Variants in CNTNAP2 observed in about 807,000 individuals in gnomAD.
CNTNAP2 encodes contactin associated protein 2.
Under a neutral mutation model 155.2 loss-of-function variants are expected in CNTNAP2, and 98 were observed. The observed-to-expected ratio is 0.63, with a 90% confidence interval of 0.54 to 0.75. CNTNAP2 has a LOEUF of 0.75. Among genes scored for constraint, CNTNAP2 ranks in the 30% least tolerant of loss-of-function variants. The pLI, the probability that CNTNAP2 is intolerant of heterozygous loss-of-function variation, is 0.00. For missense variants in CNTNAP2, 1,727 were observed against 1,688.1 expected (o/e 1.02, Z -0.40); for synonymous variants, 651 against 631.2 (o/e 1.03, Z -0.47).
chr7:148,135,254 A>G (rs1162960965), intron 16 of CNTNAP2, among the ~76,000 whole-genome samples: 1 of 152,190 alleles, frequency 6.6e-6, no homozygotes, highest in African/African-American at 2.4e-5. Flanking sequence ...TATTACCATT[A>G]GCCTCCTACA....
intron 13 of CNTNAP2, among the ~76,000 whole-genome samples, chr7:147,853,887 A>T (rs1798993411): frequency 6.6e-6 from 1 of 152,220 alleles, no homozygotes; most frequent in South Asian, 2.1e-4. Flanking sequence ...TGAGTGTTGC[A>T]AAGTTTGACT....
chr7:148,087,113 G>A (rs7786049), intron 15 of CNTNAP2, among the ~76,000 whole-genome samples: 4,712 of 152,096 alleles, frequency 0.031, 296 homozygotes, highest in East Asian at 0.28. Context: ...ACACGTGCCC[G>A]AACTATCATT....
At chr7:146,404,136 A>AAAAAAAAAAAAAC (rs1795756041) in intron 1 of CNTNAP2, among the ~76,000 whole-genome samples, 1 of 150,746 alleles carries the variant, frequency 6.6e-6, no homozygotes, top group African/African-American at 2.5e-5. Context: ...AAAAAAAAAA[A>AAAAAAAAAAAAAC]AAAAAACAAA....
chr7:146,660,466 A>G (rs1038247974), intron 1 of CNTNAP2, among the ~76,000 whole-genome samples: 1 of 152,248 alleles, frequency 6.6e-6, no homozygotes, highest in African/African-American at 2.4e-5. Flanking sequence ...TTCAGTGTGT[A>G]TACCTTTAAG....
rs567934918 is a variant in CNTNAP2, at chr7:148,323,823, G to T, written c.3475+56697G>T. Among the ~76,000 whole-genome samples the T allele has an allele frequency of 1.6e-3, 249 of 151,988 alleles. 1 individual carries two copies. Among genetic ancestry groups the T allele is most frequent in the Middle Eastern group, 3.4e-3 (1 of 290 alleles). On this transcript the variant is annotated intron_variant, in intron 21 of 23. Coordinates refer to ENST00000361727, the MANE Select transcript of CNTNAP2 (RefSeq NM_014141.6). Reference sequence around the variant, plus strand: ...GCACTCCCCTCTCTGCTGTCTGTGGGTCAACCTTTCCGGCCTGCCTGTTTC... The same window carrying T: ...GCACTCCCCTCTCTGCTGTCTGTGGTTCAACCTTTCCGGCCTGCCTGTTTC...
chr7:146,214,545 T>G (rs182962738), intron 1 of CNTNAP2, among the ~76,000 whole-genome samples: 105 of 152,322 alleles, frequency 6.9e-4, no homozygotes, highest in African/African-American at 2.4e-3. Flanking sequence ...AAATATGACT[T>G]AGCAGTACAG....
At chr7:148,026,244 T>C (rs1802372639) in intron 15 of CNTNAP2, among the ~76,000 whole-genome samples, 1 of 152,112 alleles carries the variant, frequency 6.6e-6, no homozygotes, top group Admixed American at 6.5e-5. Flanking sequence ...AGCTCAGGTG[T>C]TCAAGACCAG....
chr7:146,278,918 G>A (rs192318375), intron 1 of CNTNAP2, among the ~76,000 whole-genome samples: 24 of 152,182 alleles, frequency 1.6e-4, no homozygotes, highest in Non-Finnish European at 2.2e-4. Context: ...TGAGTATGTC[G>A]GAGATAGGAA....
At chr7:146,934,452 GA>G (rs1796865941) in intron 3 of CNTNAP2, among the ~76,000 whole-genome samples, 1 of 114,886 alleles carries the variant, frequency 8.7e-6, no homozygotes, top group African/African-American at 3.3e-5. Flanking sequence ...GGGGTGGGGG[GA>G]GGGGGAAGGG....
chr7:148,317,216 G>A (rs112469225), intron 21 of CNTNAP2, among the ~76,000 whole-genome samples: 2,613 of 152,292 alleles, frequency 0.017, 73 homozygotes, highest in African/African-American at 0.059. Context: ...TTAGCCAGGC[G>A]TGGTGGCACA....
chr7:148,386,152 A>G (rs575612321), intron 22 of CNTNAP2, among the ~76,000 whole-genome samples: 9 of 152,010 alleles, frequency 5.9e-5, no homozygotes, highest in African/African-American at 1.9e-4. Flanking sequence ...TTGCAGAAAA[A>G]TTTCCACTTA....
intron 3 of CNTNAP2, among the ~76,000 whole-genome samples, chr7:147,015,038 T>A (rs948608226): frequency 6.6e-6 from 1 of 151,992 alleles, no homozygotes; most frequent in Non-Finnish European, 1.5e-5. Flanking sequence ...TTTCAGCAAA[T>A]GTTAACTTTA....
intron 2 of CNTNAP2, among the ~76,000 whole-genome samples, chr7:146,821,441 T>A (rs1803281222): frequency 6.6e-6 from 1 of 152,112 alleles, no homozygotes; most frequent in Non-Finnish European, 1.5e-5. Context: ...TTTGGCTGGA[T>A]ATGAAATTCT....
intron 1 of CNTNAP2, among the ~76,000 whole-genome samples, chr7:146,232,970 C>G (rs1196632269): frequency 6.6e-6 from 1 of 152,104 alleles, no homozygotes; most frequent in Non-Finnish European, 1.5e-5. Flanking sequence ...TATTCCATCT[C>G]TCACTCTATT....
chr7:147,434,691 G>A (rs996807705), intron 10 of CNTNAP2, among the ~76,000 whole-genome samples: 18 of 152,182 alleles, frequency 1.2e-4, no homozygotes, highest in African/African-American at 3.9e-4. Context: ...CTAAAAGAGT[G>A]GACTAAAAGT....
chr7:146,703,546 A>G (rs145225012), intron 1 of CNTNAP2, among the ~76,000 whole-genome samples: 1 of 152,264 alleles, frequency 6.6e-6, no homozygotes, highest in East Asian at 1.9e-4. Flanking sequence ...GGTGGCTTAT[A>G]AACAACAAAC....
intron 9 of CNTNAP2, among the ~76,000 whole-genome samples, chr7:147,381,393 G>GA (rs1383353950): frequency 6.6e-6 from 1 of 151,962 alleles, no homozygotes; most frequent in Admixed American, 6.6e-5. Flanking sequence ...ACACTTATAA[G>GA]AAAAAATCAG....
chr7:147,346,820 A>G (rs1795871774), intron 9 of CNTNAP2, among the ~76,000 whole-genome samples: 1 of 152,184 alleles, frequency 6.6e-6, no homozygotes, highest in East Asian at 1.9e-4. Flanking sequence ...TTTCAAATTT[A>G]TCTTTCAAAC....
At chr7:147,909,670 C>T (rs1800025959) in intron 14 of CNTNAP2, among the ~76,000 whole-genome samples, 1 of 152,186 alleles carries the variant, frequency 6.6e-6, no homozygotes, top group East Asian at 1.9e-4. Context: ...AGCTAAGTGG[C>T]CACTGCTGGG....
Sources: allele counts gnomAD v4.1 joint callset (sites outside exome capture counted in the v4.1 genomes callset), GRCh38; gene constraint gnomAD v4.1.1; transcripts MANE v1.5; gene names NCBI Gene and HGNC (gene_info 2026-07-23, HGNC 2026-07-21).